PPP1R9A: variants seen among roughly 807,000 people sequenced by gnomAD.
PPP1R9A encodes the protein protein phosphatase 1 regulatory subunit 9A, also known as neurabin-1.
PPP1R9A carries 59 observed loss-of-function variants against 141.9 expected under a neutral mutation model. The ratio of observed to expected loss-of-function variants is 0.42; its 90% CI spans 0.34 to 0.52. PPP1R9A has a LOEUF of 0.52. PPP1R9A is among the 20% of genes least tolerant of loss of function. The pLI is 0.10. For synonymous variants in PPP1R9A, 500 were observed against 569.7 expected (o/e 0.88, Z 1.74); for missense variants, 1,444 against 1,611.9 (o/e 0.90, Z 1.78).
intron 2 of PPP1R9A, among the ~76,000 whole-genome samples, chr7:94,956,179 T>C (rs1797052394): frequency 6.6e-6 from 1 of 152,158 alleles, no homozygotes; most frequent in Admixed American, 6.5e-5. Flanking sequence ...TTGTTGGTAG[T>C]TGAACCCTTG....
chr7:95,154,587 A>T (rs193065182), intron 4 of PPP1R9A: 2 of 152,234 alleles, frequency 1.3e-5, no homozygotes, highest in East Asian at 1.9e-4. Flanking sequence ...TAGATTCATG[A>T]ACTTCTTATA....
At chr7:95,004,221 T>C (rs2151549835) in intron 2 of PPP1R9A, among the ~76,000 whole-genome samples, 1 of 152,212 alleles carries the variant, frequency 6.6e-6, no homozygotes, top group East Asian at 1.9e-4. Flanking sequence ...GATCTGTGCA[T>C]CACTTCAAAC....
intron 2 of PPP1R9A, among the ~76,000 whole-genome samples, chr7:95,091,214 A>C (rs1780582556): frequency 6.6e-6 from 1 of 151,826 alleles, no homozygotes; most frequent in African/African-American, 2.4e-5. Flanking sequence ...AACTGTTAGA[A>C]TCTGTTAGGT....
At chr7:95,001,208 G>T (rs1802871826) in intron 2 of PPP1R9A, among the ~76,000 whole-genome samples, 1 of 152,084 alleles carries the variant, frequency 6.6e-6, no homozygotes, top group Non-Finnish European at 1.5e-5. Flanking sequence ...TTCAGGGAAG[G>T]CTGTTATAAA....
At chr7:95,028,035 A>G (rs570274633) in intron 2 of PPP1R9A, among the ~76,000 whole-genome samples, 1 of 152,296 alleles carries the variant, frequency 6.6e-6, no homozygotes, top group South Asian at 2.1e-4. Flanking sequence ...ATAACATAAA[A>G]TTATTTTCAT....
chr7:94,964,803 A>G (rs1798021687), intron 2 of PPP1R9A, among the ~76,000 whole-genome samples: 1 of 152,150 alleles, frequency 6.6e-6, no homozygotes, highest in Non-Finnish European at 1.5e-5. Flanking sequence ...ATACGTGTGC[A>G]TGTGTCTTTT....
chr7:95,143,872 T>TTATATAATTAA (rs1827132455), intron 4 of PPP1R9A, among the ~76,000 whole-genome samples: 1 of 152,166 alleles, frequency 6.6e-6, no homozygotes, highest in South Asian at 2.1e-4. Flanking sequence ...TCAGGCTTAT[T>TTATATAATTAA]GAAGTATAAT....
chr7:95,290,044 G>A (rs770942363), intron 19 of PPP1R9A, 47 bp from the exon 20 acceptor site: 2 of 1,603,620 alleles, frequency 1.2e-6, no homozygotes, highest in African/African-American at 2.7e-5. Flanking sequence ...ACCATCAGAG[G>A]GCTCATTGGT....
chr7:94,968,200 T>C (rs563917681), intron 2 of PPP1R9A, among the ~76,000 whole-genome samples: 2 of 151,824 alleles, frequency 1.3e-5, no homozygotes, highest in South Asian at 2.1e-4. Flanking sequence ...TGAGACGGAG[T>C]CTCGCTCTGT....
rs116033251 is a variant in PPP1R9A at position 94,929,338 on chromosome 7, G to C, written c.1395+17830G>C. ...TAGAGGTGTGCACAGGATGCTGTGA[G>C]TGCGGAGAGGGGACACTTGGGTTCT... On this transcript the variant is annotated intron_variant, in intron 2 of 19. Coordinates refer to ENST00000433360, the MANE Select transcript of PPP1R9A (RefSeq NM_001166160.2). Among the ~76,000 whole-genome samples, 209 of 152,312 alleles carry C rather than the reference G, an allele frequency of 1.4e-3. 1 individual carries two copies. The highest frequency in any genetic ancestry group is 4.5e-3 in the African/African-American group (185 of 41,570).
intron 2 of PPP1R9A, among the ~76,000 whole-genome samples, chr7:95,056,455 T>C (rs1371610020): frequency 1.3e-5 from 2 of 152,168 alleles, no homozygotes; most frequent in Non-Finnish European, 2.9e-5. Flanking sequence ...TTTTTTCTTG[T>C]AGTACTGGTT....
intron 5 of PPP1R9A, among the ~76,000 whole-genome samples, chr7:95,190,704 T>A (rs1401240314): frequency 2.6e-5 from 4 of 152,204 alleles, no homozygotes; most frequent in African/African-American, 9.6e-5. Flanking sequence ...TTGGCCTGTC[T>A]TTCAGAACTT....
In PPP1R9A at chr7:95,291,779, T is replaced by C. The variant is rs574340007; in HGVS notation, c.*1476T>C. The C allele has an allele frequency of 6.6e-6, 1 of 152,192 alleles. No individual in the cohort carries two copies. Among genetic ancestry groups the C allele is most frequent in the South Asian group, 2.1e-4 (1 of 4,832 alleles). 9.4% of individuals were successfully genotyped at this position (152,192 alleles called of 1,614,324 possible). A position where few individuals can be genotyped will look rare whatever the true frequency, so the allele number is the denominator to read the frequency against. ...TTGGACAGTATTTTACTTCTTTTAC[T>C]TTATGGGAATCTCTGCTCTGTTCCC... is the stretch of plus-strand genomic sequence containing the variant. On this transcript the variant is annotated 3_prime_UTR_variant, in exon 20 of 20. Transcript: ENST00000433360.
chr7:95,247,410 G>A, intron 8 of PPP1R9A, 63 bp from the exon 9 acceptor site: 1 of 1,374,738 alleles, frequency 7.3e-7, no homozygotes, highest in South Asian at 1.2e-5. Flanking sequence ...TGTAGCTGCT[G>A]AGGCTTTACA....
intron 3 of PPP1R9A, among the ~76,000 whole-genome samples, chr7:95,117,619 A>G (rs1249686982): frequency 6.6e-6 from 1 of 152,194 alleles, no homozygotes; most frequent in Admixed American, 6.5e-5. Context: ...TGGATTTAGA[A>G]ACCAAGAAGT....
chr7:95,200,269 C>CTTT (rs761784471), intron 6 of PPP1R9A, among the ~76,000 whole-genome samples: 1 of 144,056 alleles, frequency 6.9e-6, no homozygotes, highest in Non-Finnish European at 1.5e-5. Flanking sequence ...AAATTTTGCT[C>CTTT]TTTTTTTTTT....
intron 2 of PPP1R9A, among the ~76,000 whole-genome samples, chr7:94,935,322 A>T (rs1364267897): frequency 6.6e-6 from 1 of 152,226 alleles, no homozygotes; most frequent in Non-Finnish European, 1.5e-5. Context: ...GACTTTGTAC[A>T]GTCTAGAGCC....
intron 4 of PPP1R9A, among the ~76,000 whole-genome samples, chr7:95,135,643 A>G (rs1825515339): frequency 1.3e-5 from 2 of 152,010 alleles, no homozygotes; most frequent in Non-Finnish European, 2.9e-5. Context: ...AGCTCTGTAC[A>G]TATTTGATTT....
intron 2 of PPP1R9A, among the ~76,000 whole-genome samples, chr7:95,084,291 A>G (rs1816314661): frequency 6.6e-6 from 1 of 152,048 alleles, no homozygotes; most frequent in Admixed American, 6.5e-5. Flanking sequence ...AGGGCAGAGA[A>G]CTTAGAAGGA....
Sources: gnomAD v4.1 joint callset for allele counts (sites outside exome capture counted in the v4.1 genomes callset) on GRCh38, gnomAD v4.1.1 for gene constraint, MANE v1.5 for transcripts, NCBI Gene and HGNC (gene_info 2026-07-23, HGNC 2026-07-21) for gene names.